Variants in TDRD7 observed in about 807,000 individuals in gnomAD.
TDRD7 encodes the protein tudor domain-containing protein 7.
TDRD7 carries 47 observed loss-of-function variants against 109.8 expected under a neutral mutation model. That is an observed-to-expected ratio of 0.43 (90% CI 0.34 to 0.55). The LOEUF (loss-of-function observed/expected upper bound fraction) is 0.55, where lower values mean the gene tolerates loss of function less well. Among genes scored for constraint, TDRD7 ranks in the 20% least tolerant of loss-of-function variants. The pLI is 0.03. For missense variants in TDRD7, 1,164 were observed against 1,319.2 expected (o/e 0.88, Z 1.82); for synonymous variants, 424 against 457.3 (o/e 0.93, Z 0.93).
rs79670291 is a variant in TDRD7, at chr9:97,481,405, A to G, written c.2412+467A>G. ...TTTCCTAAAGTTTATTTAATCTGCCATACTTATTTCACTAGCTCTTGTTTC... is the reference window on the plus strand; with the variant it reads ...TTTCCTAAAGTTTATTTAATCTGCCGTACTTATTTCACTAGCTCTTGTTTC... On this transcript the variant is annotated intron_variant, in intron 14 of 16. Transcript: ENST00000355295. 8.2e-3 allele frequency among the ~76,000 whole-genome samples: 1,248 copies of G among 152,324 alleles called. 44 individuals are homozygous for G. In the East Asian group the frequency reaches 0.11, roughly 13 times the overall value.
rs201165562 is a variant in TDRD7, at chr9:97,445,888, G to T, written c.855+4013G>T. Among the ~76,000 whole-genome samples the T allele has an allele frequency of 1.2e-4, 18 of 152,290 alleles. No individual in the cohort carries two copies. In the East Asian group the frequency reaches 3.5e-3, roughly 29 times the overall value. ...TGCCTGTAATCTCAGCACTTTAGGA[G>T]GTCAAGGCAGGAGAATTGCTTGAGG... On this transcript the variant is annotated intron_variant, in intron 6 of 16. Transcript: ENST00000355295.
At chr9:97,413,018 A>G (rs1827746424) in intron 1 of TDRD7, among the ~76,000 whole-genome samples, 1 of 152,178 alleles carries the variant, frequency 6.6e-6, no homozygotes, top group Non-Finnish European at 1.5e-5. Context: ...AGAGCAGGGA[A>G]GGGAAACAAC....
intron 6 of TDRD7, among the ~76,000 whole-genome samples, chr9:97,455,009 A>G (rs1828579449): frequency 6.6e-6 from 1 of 152,240 alleles, no homozygotes; most frequent in Non-Finnish European, 1.5e-5. Flanking sequence ...CACTGACCCC[A>G]CAGAAATACA....
At position 97,472,510 on chromosome 9, in the gene TDRD7, AC is replaced by A; in HGVS notation, c.1944+16del. ...TTCACCTGCAGGTACCACTGTGATC[AC>A]TGTTGTTGCTTGTTACACATTTTGT... On this transcript the variant is annotated intron_variant, in intron 10 of 16. Coordinates refer to ENST00000355295, the MANE Select transcript of TDRD7 (RefSeq NM_014290.3). 1 of 1,603,572 alleles carries A rather than the reference AC, an allele frequency of 6.2e-7. No homozygotes were observed. Among genetic ancestry groups the A allele is most frequent in the Middle Eastern group, 1.7e-4 (1 of 6,026 alleles).
intron 1 of TDRD7, among the ~76,000 whole-genome samples, chr9:97,419,229 A>ATC (rs1340731675): frequency 6.6e-6 from 1 of 152,158 alleles, no homozygotes; most frequent in South Asian, 2.1e-4. Context: ...AACTGATGGG[A>ATC]GGGATTGGGT....
intron 2 of TDRD7, among the ~76,000 whole-genome samples, chr9:97,429,632 T>A (rs1052998361): frequency 6.6e-6 from 1 of 152,230 alleles, no homozygotes; most frequent in Non-Finnish European, 1.5e-5. Context: ...TTAAATGTTA[T>A]ATGAATAATA....
intron 1 of TDRD7, among the ~76,000 whole-genome samples, chr9:97,418,424 G>C (rs1007709936): frequency 6.6e-6 from 1 of 152,164 alleles, no homozygotes; most frequent in African/African-American, 2.4e-5. Context: ...CACATTTAAA[G>C]AGGGTGGGAC....
intron 6 of TDRD7, among the ~76,000 whole-genome samples, chr9:97,443,235 T>G (rs560904599): frequency 6.6e-6 from 1 of 152,312 alleles, no homozygotes; most frequent in South Asian, 2.1e-4. Context: ...AATTTTTGCC[T>G]TAGGTGTTTT....
At chr9:97,464,066 G>A (rs1828778649) in intron 7 of TDRD7, among the ~76,000 whole-genome samples, 1 of 152,154 alleles carries the variant, frequency 6.6e-6, no homozygotes, top group South Asian at 2.1e-4. Flanking sequence ...TTAAAACTAT[G>A]TTCTAGAGTC....
chr9:97,458,334 C>T (rs74974649), intron 6 of TDRD7, among the ~76,000 whole-genome samples: 4 of 152,200 alleles, frequency 2.6e-5, no homozygotes, highest in East Asian at 3.9e-4. Flanking sequence ...CCATTGGCTC[C>T]GAAAGTGTGC....
rs541978554 is a variant in TDRD7, at chr9:97,460,293, C to T, written c.971C>T (p.Pro324Leu). 4.3e-6 allele frequency: 7 copies of T among 1,614,192 alleles called. No individual in the cohort carries two copies. The African/African-American group carries it at 5.3e-5, about 12-fold the overall frequency. Residue 324 changes from proline to leucine, a missense_variant, in exon 7 of 17, where the codon CCC (proline) becomes CTC (leucine). Physicochemically the swap from Pro to Leu is moderately conservative, Grantham distance 98. This residue lies in a region of TDRD7 where 407 missense variants were observed against 394.0 expected (regional missense o/e 1.03). Transcript: ENST00000355295. ...GTACCTCTATCCCCACTACCTGGTC[C>T]CAAACAAACACCACCGTTGAAAGGG... ...EKVPLSPLPG[P>L]KQTPPLKGCP...
intron 15 of TDRD7, among the ~76,000 whole-genome samples, chr9:97,485,619 A>C (rs551331970): frequency 7.9e-5 from 12 of 152,328 alleles, no homozygotes; most frequent in Admixed American, 3.9e-4. Context: ...ATTTCTCTTC[A>C]GTTTGATCTG....
chr9:97,492,230 A>G (rs1169372941), intron 16 of TDRD7, among the ~76,000 whole-genome samples: 1 of 152,170 alleles, frequency 6.6e-6, no homozygotes, highest in Non-Finnish European at 1.5e-5. Flanking sequence ...AGCTCTTTAC[A>G]TGCCAGATCG....
At chr9:97,473,832 G>A (rs111673593) in intron 11 of TDRD7, among the ~76,000 whole-genome samples, 2 of 152,286 alleles carry the variant, frequency 1.3e-5, no homozygotes, top group African/African-American at 2.4e-5. Context: ...AATGTAAAAC[G>A]AAGATAGCAA....
intron 6 of TDRD7, among the ~76,000 whole-genome samples, chr9:97,455,893 T>G (rs1049400230): frequency 2.0e-5 from 3 of 152,226 alleles, no homozygotes; most frequent in African/African-American, 7.2e-5. Flanking sequence ...TGTCTCTGTT[T>G]GCAGATGACA....
intron 15 of TDRD7, among the ~76,000 whole-genome samples, chr9:97,484,450 AG>A (rs1305142368): frequency 6.6e-6 from 1 of 151,334 alleles, no homozygotes; most frequent in Non-Finnish European, 1.5e-5. Context: ...CTGAACACAA[AG>A]AACAGTCACC....
chr9:97,488,010 C>G (rs1829241746), intron 16 of TDRD7, among the ~76,000 whole-genome samples: 1 of 152,196 alleles, frequency 6.6e-6, no homozygotes, highest in South Asian at 2.1e-4. Context: ...ACATTCACAT[C>G]AGCCTCTTGA....
At chr9:97,444,934 A>G (rs1438679013) in intron 6 of TDRD7, among the ~76,000 whole-genome samples, 1 of 152,174 alleles carries the variant, frequency 6.6e-6, no homozygotes, top group African/African-American at 2.4e-5. Flanking sequence ...GCCGCTTCAC[A>G]TGGATATTGG....
intron 6 of TDRD7, among the ~76,000 whole-genome samples, chr9:97,444,925 C>T (rs1374993772): frequency 6.6e-6 from 1 of 152,142 alleles, no homozygotes; most frequent in Non-Finnish European, 1.5e-5. Flanking sequence ...ATGCTGTAAG[C>T]CGCTTCACAT....
Sources: allele counts gnomAD v4.1 joint callset (sites outside exome capture counted in the v4.1 genomes callset), GRCh38; gene constraint gnomAD v4.1.1; regional missense constraint gnomAD v4.1.1; transcripts MANE v1.5; gene names NCBI Gene and HGNC (gene_info 2026-07-23, HGNC 2026-07-21).